The following CHODL variants were observed in gnomAD, a reference collection of about 807,000 sequenced individuals.
The protein encoded by CHODL is chondrolectin.
CHODL carries 29 observed loss-of-function variants against 34.5 expected under a neutral mutation model. The ratio of observed to expected loss-of-function variants is 0.84; its 90% CI spans 0.63 to 1.15. The LOEUF (loss-of-function observed/expected upper bound fraction) is 1.15, where lower values mean the gene tolerates loss of function less well. CHODL is among the 50% of genes most tolerant of loss of function. The pLI is 0.00. For missense variants in CHODL, 332 were observed against 332.5 expected (o/e 1.00, Z 0.01); for synonymous variants, 125 against 116.1 (o/e 1.08, Z -0.49).
chr21:18,134,398 C>T (rs2824647), intron 2 of CHODL: 302,110 of 510,848 alleles, frequency 0.59, 93,082 homozygotes, highest in Non-Finnish European at 0.68. Context: ...TGGCATCTCA[C>T]TCTTGTAGGT....
intron 1 of CHODL, among the ~76,000 whole-genome samples, chr21:18,014,681 C>G (rs1032512403): frequency 1.6e-4 from 25 of 152,172 alleles, no homozygotes; most frequent in Admixed American, 1.4e-3. Context: ...CACCTCTACT[C>G]TCTCTCGTTC....
intron 2 of CHODL, among the ~76,000 whole-genome samples, chr21:18,136,775 CAT>C (rs1338355925): frequency 1.4e-5 from 2 of 146,258 alleles, no homozygotes; most frequent in Admixed American, 1.4e-4. Context: ...CATACACACA[CAT>C]ATGCTCACAT....
intron 2 of CHODL, among the ~76,000 whole-genome samples, chr21:18,059,683 C>A (rs954055468): frequency 6.6e-6 from 1 of 152,028 alleles, no homozygotes; most frequent in Non-Finnish European, 1.5e-5. Flanking sequence ...GTGAGTTGTT[C>A]CCCCTGACGT....
At chr21:17,938,713 C>T (rs1199427055) in intron 1 of CHODL, among the ~76,000 whole-genome samples, 4 of 152,058 alleles carry the variant, frequency 2.6e-5, no homozygotes, top group Admixed American at 2.0e-4. Context: ...CTCCTGACCT[C>T]GTGATCTACC....
intron 2 of CHODL, among the ~76,000 whole-genome samples, chr21:18,228,959 C>T (rs1042063278): frequency 6.6e-6 from 1 of 152,206 alleles, no homozygotes; most frequent in African/African-American, 2.4e-5. Flanking sequence ...CATACAAAGA[C>T]AAATCCTCTC....
chr21:18,152,092 TAG>T (rs2072977295), intron 2 of CHODL, among the ~76,000 whole-genome samples: 1 of 151,946 alleles, frequency 6.6e-6, no homozygotes, highest in Admixed American at 6.6e-5. Flanking sequence ...CAGTCGAGTT[TAG>T]TAAAAGAGGT....
chr21:18,218,472 C>T (rs1947446148), intron 2 of CHODL, among the ~76,000 whole-genome samples: 2 of 152,100 alleles, frequency 1.3e-5, no homozygotes, highest in South Asian at 4.2e-4. Flanking sequence ...TTGGGCCTGG[C>T]CCACAAAACC....
At chr21:17,938,254 C>T (rs944319722) in intron 1 of CHODL, among the ~76,000 whole-genome samples, 11 of 151,864 alleles carry the variant, frequency 7.2e-5, no homozygotes, top group African/African-American at 1.7e-4. Context: ...TGTACTAGAA[C>T]GCTTAAATGT....
At chr21:18,170,119 T>C (rs1476692776) in intron 2 of CHODL, among the ~76,000 whole-genome samples, 1 of 152,070 alleles carries the variant, frequency 6.6e-6, no homozygotes, top group Non-Finnish European at 1.5e-5. Flanking sequence ...TTTTGGTGCA[T>C]GTATATTTTC....
chr21:18,036,294 T>C (rs1183654153), intron 2 of CHODL, among the ~76,000 whole-genome samples: 3 of 152,062 alleles, frequency 2.0e-5, no homozygotes, highest in Non-Finnish European at 4.4e-5. Flanking sequence ...ATATTACCTG[T>C]AATCCTTTTG....
chr21:18,009,117 C>T (rs912696777), intron 1 of CHODL, among the ~76,000 whole-genome samples: 19 of 152,190 alleles, frequency 1.2e-4, no homozygotes, highest in Middle Eastern at 3.4e-3. Flanking sequence ...ATCATTCTTC[C>T]GTCATAGACA....
chr21:18,234,106 C>CAATAAAACAAATCATAATAAGG (rs1413831081), intron 2 of CHODL, among the ~76,000 whole-genome samples: 2 of 152,034 alleles, frequency 1.3e-5, no homozygotes, highest in Non-Finnish European at 2.9e-5. Context: ...CAAATCATAC[C>CAATAAAACAAATCATAATAAGG]TTATTATTTT....
At chr21:18,054,839 A>G (rs2064559112) in intron 2 of CHODL, among the ~76,000 whole-genome samples, 2 of 151,972 alleles carry the variant, frequency 1.3e-5, no homozygotes, top group African/African-American at 4.8e-5. Flanking sequence ...TAAAAAGAGA[A>G]AAGAAAACCA....
chr21:18,226,725 A>G (rs2146748298), intron 2 of CHODL, among the ~76,000 whole-genome samples: 1 of 152,228 alleles, frequency 6.6e-6, no homozygotes, highest in East Asian at 1.9e-4. Context: ...GCCCTCTAGA[A>G]CATCATGTTT....
chr21:18,043,764 T>C (rs532992643), intron 2 of CHODL, among the ~76,000 whole-genome samples: 52 of 152,050 alleles, frequency 3.4e-4, no homozygotes, highest in African/African-American at 1.1e-3. Context: ...CCAGAGACTG[T>C]AATTTATAAA....
intron 2 of CHODL, among the ~76,000 whole-genome samples, chr21:18,079,945 C>G (rs558165436): frequency 6.6e-6 from 1 of 152,166 alleles, no homozygotes; most frequent in South Asian, 2.1e-4. Context: ...AATTTACATT[C>G]TTACCAACAG....
At chr21:18,228,999 A>G (rs1055267002) in intron 2 of CHODL, among the ~76,000 whole-genome samples, 6 of 152,132 alleles carry the variant, frequency 3.9e-5, no homozygotes, top group African/African-American at 1.4e-4. Flanking sequence ...TATGTCTGGG[A>G]GAATTTCTAG....
chr21:18,136,733 TATATATATA>T (rs2072736137), intron 2 of CHODL, among the ~76,000 whole-genome samples: 1 of 125,086 alleles, frequency 8.0e-6, no homozygotes, highest in African/African-American at 4.6e-5. Flanking sequence ...TATATATATA[TATATATATA>T]TATATATATA....
chr21:18,019,615 C>A (rs1013307456), intron 1 of CHODL, among the ~76,000 whole-genome samples: 17 of 152,070 alleles, frequency 1.1e-4, no homozygotes, highest in African/African-American at 3.4e-4. Flanking sequence ...TATATATCCA[C>A]AAATTTAAAA....
Sources: gnomAD v4.1 joint callset for allele counts (sites outside exome capture counted in the v4.1 genomes callset) on GRCh38, gnomAD v4.1.1 for gene constraint, MANE v1.5 for transcripts, NCBI Gene and HGNC (gene_info 2026-07-23, HGNC 2026-07-21) for gene names.